The following CES5A variants were observed in gnomAD, a reference collection of about 807,000 sequenced individuals.
CES5A encodes carboxylesterase 5.
Under a neutral mutation model 62.9 loss-of-function variants are expected in CES5A, and 67 were observed. That is an observed-to-expected ratio of 1.07 (90% confidence interval 0.88 to 1.31). The LOEUF (loss-of-function observed/expected upper bound fraction) is 1.31. Ranked by LOEUF, CES5A falls within the 50% of genes most tolerant of loss-of-function variation. CES5A has a pLI of 0.00. For missense variants in CES5A, 748 were observed against 708.5 expected (o/e 1.06, Z -0.63); for synonymous variants, 296 against 280.8 (o/e 1.05, Z -0.54).
chr16:55,851,837 A>ATAT (rs1163146339), intron 10 of CES5A, among the ~76,000 whole-genome samples: 3 of 152,244 alleles, frequency 2.0e-5, no homozygotes, highest in African/African-American at 7.2e-5. Flanking sequence ...ATATACATAC[A>ATAT]ATGGAACATT....
chr16:55,943,973 A>G (rs1294781552), intron 2 of CES5A: 8 of 699,788 alleles, frequency 1.1e-5, no homozygotes, highest in Non-Finnish European at 2.1e-5. Context: ...TATGAGCATT[A>G]TCAGCCCAGG....
chr16:55,899,947 G>C (rs2033973889), intron 1 of CES5A, among the ~76,000 whole-genome samples: 1 of 152,136 alleles, frequency 6.6e-6, no homozygotes, highest in Non-Finnish European at 1.5e-5. Context: ...CTAAAGAGAG[G>C]GTTCTGAAGA....
At chr16:55,882,028 G>A (rs142305549) in intron 1 of CES5A, among the ~76,000 whole-genome samples, 1 of 152,236 alleles carries the variant, frequency 6.6e-6, no homozygotes, top group East Asian at 1.9e-4. Context: ...CTTGAATGTT[G>A]TTTAACTTGT....
chr16:55,880,107 A>G (rs1171087767), upstream of CES5A, among the ~76,000 whole-genome samples: 1 of 152,218 alleles, frequency 6.6e-6, no homozygotes, highest in Non-Finnish European at 1.5e-5. Context: ...GACAAGGACC[A>G]TGTGATCTCT....
chr16:55,916,538 G>A (rs938820748), intron 1 of CES5A, among the ~76,000 whole-genome samples: 1 of 152,174 alleles, frequency 6.6e-6, no homozygotes, highest in Non-Finnish European at 1.5e-5. Context: ...TTGCAAAAGC[G>A]ATTTCATTAA....
At chr16:55,860,250 T>C (rs2033327256) in intron 7 of CES5A, among the ~76,000 whole-genome samples, 1 of 152,088 alleles carries the variant, frequency 6.6e-6, no homozygotes, top group Admixed American at 6.6e-5. Context: ...GAACTGTGAG[T>C]TTATTAAACC....
Position 55,886,737 on chromosome 16 carries a change from C to T in CES5A, c.-255-12700G>A, listed in dbSNP as rs369409882. Among the ~76,000 whole-genome samples the T allele has an allele frequency of 3.9e-5, 6 of 152,256 alleles. No homozygotes were observed. The East Asian group carries it at 5.8e-4, about 15-fold the overall frequency. On this transcript the variant is annotated intron_variant, in intron 1 of 12. Transcript: ENST00000518005. ...GGGGAGACATGGTGACTCATCCTTA[C>T]CAGAATTGACACCTACTCAGGATAT...
intron 1 of CES5A, among the ~76,000 whole-genome samples, chr16:55,891,315 A>G (rs1027069681): frequency 6.6e-6 from 1 of 152,216 alleles, no homozygotes; most frequent in Admixed American, 6.5e-5. Context: ...CTTCTATAGA[A>G]ATAAATTGCC....
At chr16:55,939,814 C>T (rs1415141313) in intron 2 of CES5A, among the ~76,000 whole-genome samples, 2 of 151,228 alleles carry the variant, frequency 1.3e-5, no homozygotes, top group South Asian at 2.1e-4. Flanking sequence ...GGAAATTATA[C>T]AAAGTATGTT....
chr16:55,884,579 A>C (rs1833184), intron 1 of CES5A, among the ~76,000 whole-genome samples: 109,243 of 151,502 alleles, frequency 0.72, 39,351 homozygotes, highest in Non-Finnish European at 0.73. Flanking sequence ...GCCACCCCAC[A>C]ACCACCACTA....
chr16:55,917,755 A>C (rs2034162202), intron 1 of CES5A, among the ~76,000 whole-genome samples: 1 of 152,164 alleles, frequency 6.6e-6, no homozygotes, highest in Admixed American at 6.5e-5. Flanking sequence ...GCCCACACTC[A>C]AGGATAGCGA....
At chr16:55,864,601 A>T (rs1312049967) in intron 5 of CES5A, among the ~76,000 whole-genome samples, 1 of 152,254 alleles carries the variant, frequency 6.6e-6, no homozygotes, top group Non-Finnish European at 1.5e-5. Context: ...GGCTAAAAAA[A>T]TATTGCTGTC....
chr16:55,854,535 T>TTTTTTTC (rs2033198051), intron 9 of CES5A, among the ~76,000 whole-genome samples: 6 of 11,046 alleles, frequency 5.4e-4, no homozygotes, highest in East Asian at 1.7e-3. Flanking sequence ...GTGTTTCTTT[T>TTTTTTTC]TTTTTTTTCT....
At chr16:55,955,031 A>T (rs1374078558) in intron 1 of CES5A, among the ~76,000 whole-genome samples, 3 of 152,122 alleles carry the variant, frequency 2.0e-5, no homozygotes, top group African/African-American at 7.2e-5. Flanking sequence ...TCCAACTCTA[A>T]AGCTCTGATG....
At chr16:55,871,823 G>A in intron 2 of CES5A, 60 bp from the exon 3 acceptor site, 2 of 1,588,496 alleles carry the variant, frequency 1.3e-6, no homozygotes, top group Non-Finnish European at 1.7e-6. Context: ...GCCTGGGAAG[G>A]GCCAGTTCTT....
chr16:55,871,498 G>T, intron 3 of CES5A, 127 bp downstream of exon 3: 1 of 1,014,708 alleles, frequency 9.9e-7, no homozygotes, highest in Non-Finnish European at 1.4e-6. Context: ...AAAAATTGTT[G>T]ATGTGATTAC....
At chr16:55,893,188 G>A (rs1398107301) in intron 1 of CES5A, among the ~76,000 whole-genome samples, 1 of 152,078 alleles carries the variant, frequency 6.6e-6, no homozygotes, top group Non-Finnish European at 1.5e-5. Context: ...TGAGGGACTT[G>A]TTTCTACACC....
At chr16:55,928,012 G>C (rs2034275698), upstream of CES5A, among the ~76,000 whole-genome samples, 1 of 152,208 alleles carries the variant, frequency 6.6e-6, no homozygotes, top group Non-Finnish European at 1.5e-5. Flanking sequence ...GGGAGGCCGA[G>C]GCGGATGGAT....
intron 1 of CES5A, among the ~76,000 whole-genome samples, chr16:55,882,784 C>A (rs752232150): frequency 2.0e-5 from 3 of 152,192 alleles, no homozygotes; most frequent in South Asian, 4.1e-4. Context: ...AAAACCTTCA[C>A]TGAAATGTCC....
Sources: gnomAD v4.1 joint callset for allele counts (sites outside exome capture counted in the v4.1 genomes callset) on GRCh38, gnomAD v4.1.1 for gene constraint, MANE v1.5 for transcripts, NCBI Gene and HGNC (gene_info 2026-07-23, HGNC 2026-07-21) for gene names.